The following SEMA3D variants were observed in gnomAD, a reference collection of about 807,000 sequenced individuals.
SEMA3D encodes the protein semaphorin 3D, also known as semaphorin-3D.
In SEMA3D, 84 loss-of-function variants were observed where a neutral mutation model predicts 100.1. The observed-to-expected ratio is 0.84, with a 90% CI of 0.70 to 1.01. The LOEUF (loss-of-function observed/expected upper bound fraction) is 1.01, where lower values mean the gene tolerates loss of function less well. Among genes scored for constraint, SEMA3D ranks in the 50% least tolerant of loss-of-function variants. The pLI is 0.00. For missense variants in SEMA3D, 875 were observed against 934.1 expected, an observed-to-expected ratio of 0.94 and a Z score of 0.82; for synonymous variants, 312 against 320.7, an observed-to-expected ratio of 0.97 and a Z score of 0.29.
intron 4 of SEMA3D, among the ~76,000 whole-genome samples, chr7:85,091,136 A>AGGAAGGAAGGAAGGAG (rs766186617): frequency 9.5e-5 from 13 of 137,562 alleles, no homozygotes; most frequent in Admixed American, 6.5e-4. Flanking sequence ...GAAGGAGGGA[A>AGGAAGGAAGGAAGGAG]GGAAGGAAGG....
chr7:85,097,026 C>G (rs1788579249), intron 4 of SEMA3D, among the ~76,000 whole-genome samples: 1 of 151,758 alleles, frequency 6.6e-6, no homozygotes, highest in Non-Finnish European at 1.5e-5. Flanking sequence ...CAGAAGAGAT[C>G]TGATATTATG....
At chr7:85,091,758 C>T (rs942091285) in intron 4 of SEMA3D, among the ~76,000 whole-genome samples, 10 of 152,048 alleles carry the variant, frequency 6.6e-5, no homozygotes, top group Non-Finnish European at 1.5e-4. Context: ...AATGTCTACA[C>T]TGAACAGGCT....
At chr7:85,054,416 T>A (rs1446376425) in intron 9 of SEMA3D, among the ~76,000 whole-genome samples, 1 of 152,070 alleles carries the variant, frequency 6.6e-6, no homozygotes, top group Non-Finnish European at 1.5e-5. Flanking sequence ...TTAGGACTAC[T>A]CCAAACAACA....
At chr7:85,112,473 A>G (rs57025648) in intron 3 of SEMA3D, among the ~76,000 whole-genome samples, 4,229 of 152,288 alleles carry the variant, frequency 0.028, 198 homozygotes, top group African/African-American at 0.097. Flanking sequence ...TAAAGAACTA[A>G]TGGTAAAACC....
chr7:85,193,125 G>T, the SEMA3D span, among the ~76,000 whole-genome samples: 2 of 152,152 alleles, frequency 1.3e-5, no homozygotes, highest in Non-Finnish European at 2.9e-5. Flanking sequence ...ATCGCTCAGA[G>T]AAATAAGCTC....
At chr7:85,168,816 A>T (rs202068859) in intron 1 of SEMA3D, among the ~76,000 whole-genome samples, 1 of 97,386 alleles carries the variant, frequency 1.0e-5, no homozygotes, top group Non-Finnish European at 2.3e-5. Flanking sequence ...GAAAGAAAGA[A>T]AGATGAAAGA....
chr7:85,083,815 C>A (rs1412785621), intron 4 of SEMA3D, among the ~76,000 whole-genome samples: 1 of 140,248 alleles, frequency 7.1e-6, no homozygotes, highest in East Asian at 2.1e-4. Context: ...CCACTGCACT[C>A]CAGCCTGGGC....
chr7:85,219,794 C>T, the SEMA3D span, among the ~76,000 whole-genome samples: 1 of 151,894 alleles, frequency 6.6e-6, no homozygotes, highest in African/African-American at 2.4e-5. Context: ...TATTTTACTC[C>T]CAGCAATATG....
intron 11 of SEMA3D, among the ~76,000 whole-genome samples, chr7:85,038,110 C>A (rs901359386): frequency 2.0e-5 from 3 of 151,988 alleles, no homozygotes; most frequent in Non-Finnish European, 1.5e-5. Context: ...TGACGAGTTA[C>A]TGGGTGCAGC....
chr7:85,021,270 AG>A (rs1790247510), intron 13 of SEMA3D, among the ~76,000 whole-genome samples: 1 of 151,840 alleles, frequency 6.6e-6, no homozygotes, highest in African/African-American at 2.4e-5. Context: ...TTCTCAGTAA[AG>A]GTTAGATATT....
At chr7:85,237,849 A>G in the SEMA3D span, among the ~76,000 whole-genome samples, 1 of 152,140 alleles carries the variant, frequency 6.6e-6, no homozygotes, top group Non-Finnish European at 1.5e-5. Flanking sequence ...AGAAACCACA[A>G]TTCCAAGGGA....
At position 85,186,869 on chromosome 7, in the gene SEMA3D, C is replaced by A. The variant is rs1212867180; in HGVS notation, c.-364G>T. 1 of 152,222 alleles carries A rather than the reference C, an allele frequency of 6.6e-6. No individual in the cohort carries two copies. The highest frequency in any genetic ancestry group is 2.4e-5 in the African/African-American group (1 of 41,400). The allele number at this position is 152,222 out of a possible 1,614,324, so 9.4% of individuals were successfully genotyped here. On this transcript the variant is annotated 5_prime_UTR_variant, in exon 1 of 19. Transcript: ENST00000284136. The stretch of plus-strand genomic sequence containing the variant: ...AGCCGGGAAGCTGCGGCCGCAGGGG[C>A]CAGGCCGGGAGGCAGGGGGCGCTGC...
the SEMA3D span, among the ~76,000 whole-genome samples, chr7:85,211,606 G>C: frequency 6.6e-6 from 1 of 151,890 alleles, no homozygotes; most frequent in Admixed American, 6.6e-5. Context: ...TGCATGAAAG[G>C]CTTCAGAAAT....
At chr7:85,214,972 T>C in the SEMA3D span, among the ~76,000 whole-genome samples, 1 of 152,048 alleles carries the variant, frequency 6.6e-6, no homozygotes, top group Admixed American at 6.6e-5. Context: ...GTAGGAAAAA[T>C]ATTGTTTCCC....
chr7:85,209,291 T>C, the SEMA3D span, among the ~76,000 whole-genome samples: 117 of 152,104 alleles, frequency 7.7e-4, no homozygotes, highest in Non-Finnish European at 1.4e-3. Flanking sequence ...TGTATATATA[T>C]GTATATGTGT....
At chr7:85,073,504 C>A (rs1791835267) in intron 5 of SEMA3D, among the ~76,000 whole-genome samples, 1 of 152,018 alleles carries the variant, frequency 6.6e-6, no homozygotes, top group African/African-American at 2.4e-5. Context: ...CCTTACTCAG[C>A]CTCCTGAGTA....
chr7:85,102,084 T>C (rs1332172771), intron 3 of SEMA3D, among the ~76,000 whole-genome samples: 1 of 149,816 alleles, frequency 6.7e-6, no homozygotes, highest in Non-Finnish European at 1.5e-5. Flanking sequence ...CAGTTATGTA[T>C]ATAAAACACA....
chr7:85,176,411 C>T (rs767887944), intron 1 of SEMA3D, among the ~76,000 whole-genome samples: 5 of 152,020 alleles, frequency 3.3e-5, no homozygotes, highest in African/African-American at 7.2e-5. Context: ...ATGACTTTTT[C>T]CAAACAAGTT....
At chr7:85,212,585 G>A in the SEMA3D span, among the ~76,000 whole-genome samples, 1 of 151,874 alleles carries the variant, frequency 6.6e-6, no homozygotes. Context: ...ACCTGTGTGT[G>A]TGTTGCGTGT....
Sources: allele counts gnomAD v4.1 joint callset (sites outside exome capture counted in the v4.1 genomes callset), GRCh38; gene constraint gnomAD v4.1.1; transcripts MANE v1.5; gene names NCBI Gene and HGNC (gene_info 2026-07-23, HGNC 2026-07-21).